PIK3R6: variants seen among roughly 807,000 people sequenced by gnomAD.
PIK3R6 encodes the protein phosphoinositide 3-kinase regulatory subunit 6.
PIK3R6 carries 91 observed loss-of-function variants against 84.9 expected under a neutral mutation model. The ratio of observed to expected loss-of-function variants is 1.07; its 90% confidence interval spans 0.90 to 1.28. The LOEUF (loss-of-function observed/expected upper bound fraction) is 1.28. PIK3R6 is among the 50% of genes most tolerant of loss of function. The pLI is 0.00. For missense variants in PIK3R6, 996 were observed against 985.1 expected, an observed-to-expected ratio of 1.01 and a Z score of -0.15; for synonymous variants, 416 against 411.4, an observed-to-expected ratio of 1.01 and a Z score of -0.13.
chr17:8,814,215 CTTTTTTTTTT>C (rs112750429), intron 18 of PIK3R6, among the ~76,000 whole-genome samples: 6 of 85,520 alleles, frequency 7.0e-5, no homozygotes, highest in African/African-American at 1.9e-4. Context: ...AGAGAGAGAT[CTTTTTTTTTT>C]TTTTTTTTTT....
chr17:8,812,026 G>A (rs1033042909), intron 18 of PIK3R6, among the ~76,000 whole-genome samples: 2 of 152,150 alleles, frequency 1.3e-5, no homozygotes, highest in Non-Finnish European at 2.9e-5. Flanking sequence ...GTTCCACATG[G>A]CTGGGGAGGC....
rs750692872 is a variant in PIK3R6 at position 8,829,008 on chromosome 17, G to C, written c.890-18C>G. The C allele has an allele frequency of 6.7e-7, 1 of 1,493,162 alleles. No individual in the cohort carries two copies. Among genetic ancestry groups the C allele is most frequent in the Non-Finnish European group, 8.9e-7 (1 of 1,122,204 alleles). The allele number at this position is 1,493,162 out of a possible 1,614,324, so 92.5% of individuals were successfully genotyped here. A position where few individuals can be genotyped will look rare whatever the true frequency, so the allele number is the denominator to read the frequency against. ...TTCCTTCCCTGGGGTGGGGGAACAA[G>C]GGCGGTGAGGACACGTGAGGCTGGC... On this transcript the variant is annotated intron_variant, in intron 10 of 19. Coordinates refer to ENST00000619866, the MANE Select transcript of PIK3R6 (RefSeq NM_001010855.4).
intron 1 of PIK3R6, among the ~76,000 whole-genome samples, chr17:8,853,827 G>C (rs537910509): frequency 1.3e-5 from 2 of 151,920 alleles, no homozygotes; most frequent in African/African-American, 4.8e-5. Flanking sequence ...GCTGGGTGTG[G>C]TGGCATGCGC....
At chr17:8,865,737 ACTT>A (rs985333647) in intron 1 of PIK3R6, among the ~76,000 whole-genome samples, 2 of 151,766 alleles carry the variant, frequency 1.3e-5, no homozygotes, top group African/African-American at 4.9e-5. Flanking sequence ...CATGAGGTCT[ACTT>A]CTCAGATTCC....
At chr17:8,855,063 C>G (rs1271015968) in intron 1 of PIK3R6, among the ~76,000 whole-genome samples, 2 of 152,062 alleles carry the variant, frequency 1.3e-5, no homozygotes, top group African/African-American at 4.8e-5. Context: ...TGTGGTGGCT[C>G]ATGCCTGTAA....
At position 8,829,814 on chromosome 17, in the gene PIK3R6, G is replaced by A. The variant is rs1199976804; in HGVS notation, c.803-22C>T. The A allele has an allele frequency of 3.2e-6, 5 of 1,540,126 alleles. No individual in the cohort carries two copies. The African/African-American group carries it at 5.5e-5, about 17-fold the overall frequency. ...TCACCTGCAGAAAGGAGCAGGCTGT[G>A]GAGGCCATGGAGGAGGCCATGGGAC... On this transcript the variant is annotated intron_variant, in intron 9 of 19. Coordinates refer to ENST00000619866, the MANE Select transcript of PIK3R6 (RefSeq NM_001010855.4).
At chr17:8,846,374 A>C (rs754448522) in intron 2 of PIK3R6, among the ~76,000 whole-genome samples, 1 of 152,112 alleles carries the variant, frequency 6.6e-6, no homozygotes, top group East Asian at 1.9e-4. Flanking sequence ...CTTGTAGTAG[A>C]GTCTGAAGTT....
chr17:8,823,873 T>C (rs2087829201), intron 13 of PIK3R6, among the ~76,000 whole-genome samples: 1 of 152,162 alleles, frequency 6.6e-6, no homozygotes, highest in Non-Finnish European at 1.5e-5. Context: ...CGTGGGCAAG[T>C]TATTCAAACT....
Position 8,823,030 on chromosome 17 carries a change from C to A in PIK3R6, c.1683G>T (p.Leu561=). 4 of 1,611,112 alleles carry A rather than the reference C, an allele frequency of 2.5e-6. No homozygotes were observed. The highest frequency in any genetic ancestry group is 3.4e-6 in the Non-Finnish European group (4 of 1,177,318). The change falls in exon 15 of 20, where the codon CTG becomes CTT. Residue 561 remains leucine (L), a synonymous_variant. Coordinates refer to ENST00000619866, the MANE Select transcript of PIK3R6 (RefSeq NM_001010855.4). ...ATTTAGAATCTTGGATCTTCACCTT[C>A]AGTTCAATGAGGAAAATGTCCTCAG... is the stretch of plus-strand genomic sequence containing the variant. ...DPTEDIFLIE[L]KVKIQDSKFP... is the part of the protein sequence containing the mutation.
At chr17:8,829,022 C>G (rs755092170) in intron 10 of PIK3R6, 32 bp from the exon 11 acceptor site, 1 of 1,486,608 alleles carries the variant, frequency 6.7e-7, no homozygotes, top group Non-Finnish European at 8.9e-7. Flanking sequence ...GGTGAGGACA[C>G]GTGAGGCTGG....
At chr17:8,865,384 TA>T (rs2089383581) in intron 1 of PIK3R6, among the ~76,000 whole-genome samples, 1 of 152,124 alleles carries the variant, frequency 6.6e-6, no homozygotes, top group Admixed American at 6.5e-5. Flanking sequence ...CAGGCCTCCC[TA>T]TACCACAGCT....
chr17:8,813,809 T>C (rs556911444), intron 18 of PIK3R6, among the ~76,000 whole-genome samples: 46 of 151,444 alleles, frequency 3.0e-4, no homozygotes, highest in African/African-American at 1.1e-3. Flanking sequence ...TCACACTGAG[T>C]GGGGAAAAAT....
chr17:8,812,452 T>C (rs1056108573), intron 18 of PIK3R6, among the ~76,000 whole-genome samples: 1 of 152,208 alleles, frequency 6.6e-6, no homozygotes, highest in Non-Finnish European at 1.5e-5. Context: ...CAAAATGTAA[T>C]TCTTCTCATT....
intron 18 of PIK3R6, among the ~76,000 whole-genome samples, chr17:8,806,530 G>A (rs991361713): frequency 6.6e-6 from 1 of 152,182 alleles, no homozygotes; most frequent in African/African-American, 2.4e-5. Context: ...GGCCCATAAG[G>A]AGCACAAGAG....
chr17:8,842,350 G>A lies in PIK3R6; in HGVS notation c.14-2653C>T, dbSNP rs145363842. ...TAAAGCAGGACCTTCCCCAGGAGAC[G>A]CTCAAGCTTCTCCAACTGCCCTGCT... On this transcript the variant is annotated intron_variant, in intron 2 of 19. Transcript: ENST00000619866. The surrounding 1 kb of genome is among the most constrained non-coding windows in gnomAD (Gnocchi z 4.5). 2.4e-3 allele frequency among the ~76,000 whole-genome samples: 363 copies of A among 152,166 alleles called. 3 individuals carry two copies. Among genetic ancestry groups the A allele is most frequent in the African/African-American group, 8.3e-3 (345 of 41,516 alleles).
chr17:8,824,451 T>C (rs1481838509), intron 13 of PIK3R6, among the ~76,000 whole-genome samples: 2 of 152,354 alleles, frequency 1.3e-5, no homozygotes, highest in African/African-American at 2.4e-5. Flanking sequence ...ATCCAACTCA[T>C]ATCCGATCCT....
chr17:8,823,556 C>T, intron 13 of PIK3R6, 59 bp from the exon 14 acceptor site: 1 of 1,195,660 alleles, frequency 8.4e-7, no homozygotes, highest in Non-Finnish European at 1.2e-6. Context: ...TGGGAGATGC[C>T]ATTTTCTTCA....
At chr17:8,853,497 A>AAAAAAT (rs2089036661) in intron 1 of PIK3R6, among the ~76,000 whole-genome samples, 1 of 141,536 alleles carries the variant, frequency 7.1e-6, no homozygotes, top group Non-Finnish European at 1.5e-5. Flanking sequence ...AAAAAAAAAA[A>AAAAAAT]AATAATAATA....
At chr17:8,826,758 A>G (rs1416840694) in intron 13 of PIK3R6, among the ~76,000 whole-genome samples, 1 of 152,214 alleles carries the variant, frequency 6.6e-6, no homozygotes, top group East Asian at 1.9e-4. Flanking sequence ...ACAAACCTGC[A>G]TGTTCTGCAC....
Sources: gnomAD v4.1 joint callset for allele counts (sites outside exome capture counted in the v4.1 genomes callset) on GRCh38, gnomAD v4.1.1 for gene constraint, Gnocchi (gnomAD v3.1) non-coding constraint, MANE v1.5 for transcripts, NCBI Gene and HGNC (gene_info 2026-07-23, HGNC 2026-07-21) for gene names.